The following FREM2 variants were observed in gnomAD, a reference collection of about 807,000 sequenced individuals.
FREM2 encodes the protein FRAS1-related extracellular matrix protein 2.
In FREM2, 119 loss-of-function variants were observed where a neutral mutation model predicts 219.9. That is an observed-to-expected ratio of 0.54 (90% CI 0.47 to 0.63). The LOEUF (loss-of-function observed/expected upper bound fraction) is 0.63, where lower values mean the gene tolerates loss of function less well. Among genes scored for constraint, FREM2 ranks in the 30% least tolerant of loss-of-function variants. The pLI, the probability that FREM2 is intolerant of heterozygous loss-of-function variation, is 0.00. For synonymous variants in FREM2, 1,562 were observed against 1,522.8 expected (o/e 1.03, Z -0.60); for missense variants, 4,030 against 3,993.6 (o/e 1.01, Z -0.25).
intron 6 of FREM2, among the ~76,000 whole-genome samples, chr13:38,787,240 G>A (rs544856986): frequency 5.4e-4 from 82 of 152,270 alleles, no homozygotes; most frequent in African/African-American, 1.9e-3. Flanking sequence ...TGCTCTTGGT[G>A]ATTATTGCCA....
intron 2 of FREM2, among the ~76,000 whole-genome samples, chr13:38,719,914 A>G (rs1488846162): frequency 6.6e-6 from 1 of 152,196 alleles, no homozygotes; most frequent in African/African-American, 2.4e-5. Context: ...CTGTCACAAT[A>G]CATTCCATCA....
At chr13:38,720,509 C>A (rs1345689873) in intron 2 of FREM2, among the ~76,000 whole-genome samples, 1 of 152,144 alleles carries the variant, frequency 6.6e-6, no homozygotes, top group Non-Finnish European at 1.5e-5. Context: ...CAAATTCAGA[C>A]CAGGGTGATC....
intron 13 of FREM2, 124 bp from the exon 14 acceptor site, chr13:38,859,163 C>T: frequency 1.1e-6 from 1 of 878,816 alleles, no homozygotes; most frequent in South Asian, 1.4e-5. Flanking sequence ...AATTCGGAAG[C>T]TGTATAAACA....
At chr13:38,813,828 C>T (rs1951064453) in intron 6 of FREM2, among the ~76,000 whole-genome samples, 2 of 151,456 alleles carry the variant, frequency 1.3e-5, no homozygotes, top group Admixed American at 1.3e-4. Context: ...AGGCCAATAA[C>T]TCTTAGGTTT....
intron 2 of FREM2, among the ~76,000 whole-genome samples, chr13:38,758,532 C>T (rs569672694): frequency 8.4e-4 from 128 of 152,288 alleles, no homozygotes; most frequent in Non-Finnish European, 1.2e-3. Flanking sequence ...TGCCATCTCC[C>T]GCAGTTGAAT....
chr13:38,744,750 C>A (rs1294555307), intron 2 of FREM2, among the ~76,000 whole-genome samples: 1 of 152,206 alleles, frequency 6.6e-6, no homozygotes, highest in African/African-American at 2.4e-5. Context: ...CCTTGGCCTC[C>A]CAAAGTGCTG....
At chr13:38,702,526 G>C (rs1038615403) in intron 2 of FREM2, among the ~76,000 whole-genome samples, 5 of 152,154 alleles carry the variant, frequency 3.3e-5, no homozygotes, top group South Asian at 4.2e-4. Context: ...AAAAGTCCTC[G>C]TGTAAACTTT....
At position 38,760,177 on chromosome 13, in the gene FREM2, T is replaced by C. The variant is rs185587783; in HGVS notation, c.5264-4127T>C. On this transcript the variant is annotated intron_variant, in intron 2 of 23. Coordinates refer to ENST00000280481, the MANE Select transcript of FREM2 (RefSeq NM_207361.6). ...TATATTCTCTGGTTTAAAATCCCAGTGTTAGTGGGAATTCTAAATTTTCTA... is the reference window on the plus strand; with the variant it reads ...TATATTCTCTGGTTTAAAATCCCAGCGTTAGTGGGAATTCTAAATTTTCTA... 1.8e-4 allele frequency among the ~76,000 whole-genome samples: 27 copies of C among 152,340 alleles called. No individual in the cohort carries two copies. In the East Asian group the frequency reaches 5.0e-3, roughly 28 times the overall value.
In FREM2 at chr13:38,850,223, A is replaced by G; in HGVS notation, c.6565A>G (p.Thr2189Ala). Residue 2189 changes from threonine (T) to alanine (A), a missense_variant, in exon 9 of 24, where the codon ACA becomes GCA. Thr to Ala is a moderately conservative substitution (Grantham distance 58). Around this residue, in one of 2 missense-constraint regions of FREM2, gnomAD observed 3,102 missense variants for 2,950.7 expected, o/e 1.05. Coordinates refer to ENST00000280481, the MANE Select transcript of FREM2 (RefSeq NM_207361.6). ...ERPNTDTSIITFLPGETEKPC... is the reference protein window; with the variant it reads ...ERPNTDTSIIAFLPGETEKPC... ...CCCAAACACTGATACCTCCATCATC[A>G]CATTCCTCCCTGGTAAGCTTGAACT... The G allele has an allele frequency of 6.8e-6, 11 of 1,613,838 alleles. No individual in the cohort carries two copies. The highest frequency in any genetic ancestry group is 9.3e-6 in the Non-Finnish European group (11 of 1,179,776).
intron 2 of FREM2, among the ~76,000 whole-genome samples, chr13:38,760,691 C>G (rs935562140): frequency 3.9e-5 from 6 of 152,040 alleles, no homozygotes; most frequent in Admixed American, 1.3e-4. Context: ...TTATGTTGCT[C>G]AATAAATGAA....
In FREM2 at chr13:38,769,771, C is replaced by T; in HGVS notation, c.5604C>T (p.Pro1868=). 7.4e-6 allele frequency: 12 copies of T among 1,614,030 alleles called. No homozygotes were observed. Among genetic ancestry groups the T allele is most frequent in the Non-Finnish European group, 1.0e-5 (12 of 1,179,938 alleles). ...CCGTGCTGGCTGCCTTGGAATTCCC[C>T]ACAGTCGCCACTGTTGAGATCGTTG... is the stretch of plus-strand genomic sequence containing the variant. ...SEPVLAALEF[P]TVATVEIVDP... The change falls in exon 4 of 24, where the codon CCC becomes CCT. Residue 1868 remains proline (P), a synonymous_variant. Coordinates refer to ENST00000280481, the MANE Select transcript of FREM2 (RefSeq NM_207361.6).
chr13:38,865,774 G>A (rs553642610), intron 16 of FREM2, among the ~76,000 whole-genome samples: 26 of 152,178 alleles, frequency 1.7e-4, no homozygotes, highest in Admixed American at 4.6e-4. Context: ...CAATAGAGAA[G>A]CAGTATAAGA....
At chr13:38,766,975 A>C (rs1025745118) in intron 3 of FREM2, among the ~76,000 whole-genome samples, 1 of 152,192 alleles carries the variant, frequency 6.6e-6, no homozygotes, top group Non-Finnish European at 1.5e-5. Context: ...TGCTGGGCCT[A>C]CTTCCCAATA....
chr13:38,769,504 A>G, intron 3 of FREM2, 74 bp from the exon 4 acceptor site: 1 of 1,364,912 alleles, frequency 7.3e-7, no homozygotes, highest in Non-Finnish European at 1.0e-6. Flanking sequence ...ATGACATGCA[A>G]AAAGTTAACA....
chr13:38,784,707 A>T lies in FREM2; in HGVS notation c.5918A>T (p.Glu1973Val). ...IVIIDDSLYEEEETFHVLLSM... is the reference protein window; with the variant it reads ...IVIIDDSLYEVEETFHVLLSM... ...ATAATTGATGACTCTTTGTACGAGG[A>T]GGAGGAAACCTTCCATGTCCTTCTG... is the stretch of plus-strand genomic sequence containing the variant. The change falls in exon 6 of 24, where the codon GAG becomes GTG. Residue 1973 changes from glutamate (E) to valine (V), a missense_variant. Physicochemically the swap from Glu to Val is moderately radical, Grantham distance 121. Coordinates refer to ENST00000280481, the MANE Select transcript of FREM2 (RefSeq NM_207361.6). The T allele has an allele frequency of 6.2e-7, 1 of 1,614,172 alleles. No homozygotes were observed. Among genetic ancestry groups the T allele is most frequent in the South Asian group, 1.1e-5 (1 of 91,088 alleles).
rs1286112100 is a variant in FREM2 at position 38,690,238 on chromosome 13, C to G, written c.2894C>G (p.Thr965Ser). 8 of 1,614,054 alleles carry G rather than the reference C, an allele frequency of 5.0e-6. No homozygotes were observed. The African/African-American group carries it at 6.7e-5, about 13-fold the overall frequency. Residue 965 changes from threonine (T) to serine (S), a missense_variant, in exon 1 of 24, where the codon ACT becomes AGT. Coordinates refer to ENST00000280481, the MANE Select transcript of FREM2 (RefSeq NM_207361.6). ...DVLENGATEI[T>S]ANVIKGTNEE... is the part of the protein sequence containing the mutation. ...TTAGAAAATGGGGCTACTGAAATCA[C>G]TGCCAATGTTATTAAGGGGACCAAT... is the stretch of plus-strand genomic sequence containing the variant.
At chr13:38,837,516 ATCTG>A (rs1876759094) in intron 6 of FREM2, among the ~76,000 whole-genome samples, 1 of 152,118 alleles carries the variant, frequency 6.6e-6, no homozygotes, top group African/African-American at 2.4e-5. Flanking sequence ...TGTCTTGTTG[ATCTG>A]TCTAATATTG....
At chr13:38,818,749 G>A (rs1263654580) in intron 6 of FREM2, among the ~76,000 whole-genome samples, 3 of 152,016 alleles carry the variant, frequency 2.0e-5, no homozygotes, top group Non-Finnish European at 4.4e-5. Flanking sequence ...GATCACCTGA[G>A]ATCAGGAGTT....
rs1233519773 is a variant in FREM2 at position 38,861,445 on chromosome 13, C to T, written c.7534C>T (p.Arg2512Cys). The change falls in exon 15 of 24, where the codon CGT (arginine) becomes TGT (cysteine). Residue 2512 changes from arginine (R) to cysteine (C), a missense_variant. Around this residue, in one of 2 missense-constraint regions of FREM2, gnomAD observed 928 missense variants for 1,042.9 expected, o/e 0.89. Coordinates refer to ENST00000280481, the MANE Select transcript of FREM2 (RefSeq NM_207361.6). ...TTTTTTTCAAGGTCTTTGTCAGCCCCGTGTACCTGGGGTTGTTGGAGCAGA... is the reference window on the plus strand; with the variant it reads ...TTTTTTTCAAGGTCTTTGTCAGCCCTGTGTACCTGGGGTTGTTGGAGCAGA... ...ISREEGLCQP[R>C]VPGVVGAEPF... 2.5e-6 allele frequency: 4 copies of T among 1,613,570 alleles called. No homozygotes were observed. Among genetic ancestry groups the T allele is most frequent in the Admixed American group, 1.7e-5 (1 of 59,932 alleles).
Sources: allele counts gnomAD v4.1 joint callset (sites outside exome capture counted in the v4.1 genomes callset), GRCh38; gene constraint gnomAD v4.1.1; regional missense constraint gnomAD v4.1.1; transcripts MANE v1.5; gene names NCBI Gene and HGNC (gene_info 2026-07-23, HGNC 2026-07-21).